CENPE: variants seen among roughly 807,000 people sequenced by gnomAD.
The protein encoded by CENPE is centromere protein E, also known as centromere-associated protein E.
A neutral mutation model predicts 336.1 loss-of-function variants in CENPE; 145 were observed. The ratio of observed to expected loss-of-function variants is 0.43; its 90% confidence interval spans 0.38 to 0.50. The LOEUF (loss-of-function observed/expected upper bound fraction) is 0.50, where lower values mean the gene tolerates loss of function less well. CENPE is among the 20% of genes least tolerant of loss of function. The pLI, the probability that CENPE is intolerant of heterozygous loss-of-function variation, is 0.00. For synonymous variants in CENPE, 1,013 were observed against 984.8 expected, an observed-to-expected ratio of 1.03 and a Z score of -0.54; for missense variants, 2,719 against 3,023.3, an observed-to-expected ratio of 0.90 and a Z score of 2.36.
chr4:103,139,268 T>C (rs1752335140), intron 38 of CENPE, among the ~76,000 whole-genome samples: 1 of 152,186 alleles, frequency 6.6e-6, no homozygotes, highest in Non-Finnish European at 1.5e-5. Context: ...TTTAATAAAC[T>C]TGTCTGAACT....
intron 16 of CENPE, among the ~76,000 whole-genome samples, chr4:103,171,598 G>T (rs1356669621): frequency 6.6e-6 from 1 of 150,634 alleles, no homozygotes; most frequent in Non-Finnish European, 1.5e-5. Flanking sequence ...TTACCTCGAA[G>T]AATTAGAAAA....
chr4:103,112,698 G>A (rs1422457664), intron 46 of CENPE, among the ~76,000 whole-genome samples: 1 of 125,532 alleles, frequency 8.0e-6, no homozygotes, highest in African/African-American at 3.1e-5. Flanking sequence ...ATATATAAGT[G>A]TATATATATA....
intron 47 of CENPE, among the ~76,000 whole-genome samples, 161 bp from the exon 48 acceptor site, chr4:103,109,250 T>C (rs1340610502): frequency 1.3e-5 from 2 of 152,206 alleles, no homozygotes; most frequent in Non-Finnish European, 2.9e-5. Context: ...TCATGCTTCC[T>C]GTTTTGACTA....
rs753868299 is a variant in CENPE at position 103,153,291 on chromosome 4, TAAC to T, written c.3034-44_3034-42del. 7 of 1,332,722 alleles carry T rather than the reference TAAC, an allele frequency of 5.3e-6. No homozygotes were observed. The South Asian group carries it at 7.8e-5, about 15-fold the overall frequency. The allele number at this position is 1,332,722 out of a possible 1,614,324, so 82.6% of individuals were successfully genotyped here. A position where few individuals can be genotyped will look rare whatever the true frequency, so the allele number is the denominator to read the frequency against. Reference sequence around the variant, plus strand: ...ATTACAGAAGAATTTCTTAAGTAGTTAACAACAACTTTAAAAAATAATAAAAAT... The same window carrying T: ...ATTACAGAAGAATTTCTTAAGTAGTTAACAACTTTAAAAAATAATAAAAAT... On this transcript the variant is annotated intron_variant, in intron 24 of 48. Coordinates refer to ENST00000265148, the MANE Select transcript of CENPE (RefSeq NM_001813.3).
At chr4:103,107,224 T>C (rs1003903780) in intron 48 of CENPE, among the ~76,000 whole-genome samples, 3 of 152,154 alleles carry the variant, frequency 2.0e-5, no homozygotes, top group African/African-American at 7.2e-5. Flanking sequence ...AGCTAGCCAA[T>C]AGAAGGTCCT....
Position 103,176,940 on chromosome 4 carries a change from GT to G in CENPE, c.1348del (p.Thr450HisfsTer6), listed in dbSNP as rs1221021743. 3 of 1,595,082 alleles carry G rather than the reference GT, an allele frequency of 1.9e-6. No homozygotes were observed. The highest frequency in any genetic ancestry group is 2.6e-6 in the Non-Finnish European group (3 of 1,169,838). On this transcript the variant is annotated frameshift_variant, in exon 14 of 49. Transcript: ENST00000265148. LOFTEE classifies it high-confidence loss of function. ...TAATAAATTTATAGAAAGCTTATGT[GT>G]TTTTGTTGTTATATTTGTTGGTATA... Reference protein sequence around the residue: ...FNIPTNITTKTHKLSINLLRE... With the variant: ...FNIPTNITTKXHKLSINLLRE...
intron 43 of CENPE, 30 bp downstream of exon 43, chr4:103,122,841 C>T (rs1284178913): frequency 6.5e-7 from 1 of 1,536,138 alleles, no homozygotes; most frequent in East Asian, 2.3e-5. Context: ...AAGCTGCAAA[C>T]TGAAGAACAT....
intron 24 of CENPE, among the ~76,000 whole-genome samples, chr4:103,154,958 C>T (rs1263154249): frequency 6.6e-6 from 1 of 152,070 alleles, no homozygotes; most frequent in African/African-American, 2.4e-5. Context: ...CAGGGGAGCA[C>T]CTGGAAATCC....
At position 103,144,452 on chromosome 4, in the gene CENPE, T is replaced by C. The variant is rs114769117; in HGVS notation, c.5024A>G (p.His1675Arg). 4.5e-5 allele frequency: 72 copies of C among 1,614,160 alleles called. No individual in the cohort carries two copies. The East Asian group carries it at 1.5e-3, about 34-fold the overall frequency. ...AGATCTCATTTCTTCAAGGTTTTCA[T>C]GTAGTATCTGAGTCAACCTTATATT... ...TENIRLTQIL[H>R]ENLEEMRSVT... is the part of the protein sequence containing the mutation. The change falls in exon 33 of 49, where the codon CAT becomes CGT. Residue 1675 changes from histidine to arginine, a missense_variant. By Grantham distance (29) the His-to-Arg change is conservative (BLOSUM62 0). Transcript: ENST00000265148.
intron 26 of CENPE, among the ~76,000 whole-genome samples, 165 bp from the exon 27 acceptor site, chr4:103,149,573 C>T (rs1448725254): frequency 6.6e-6 from 1 of 152,006 alleles, no homozygotes; most frequent in East Asian, 1.9e-4. Flanking sequence ...GAATATTGTC[C>T]CACCCAAAAT....
intron 42 of CENPE, 94 bp from the exon 43 acceptor site, chr4:103,123,183 C>A: frequency 3.4e-6 from 3 of 891,076 alleles, no homozygotes; most frequent in Non-Finnish European, 5.4e-6. Flanking sequence ...CAGTTACCCT[C>A]AGTCAAAAGT....
intron 44 of CENPE, 62 bp downstream of exon 44, chr4:103,120,086 C>A: frequency 8.2e-7 from 1 of 1,216,888 alleles, no homozygotes; most frequent in Admixed American, 2.6e-5. Context: ...AGGAGATTTG[C>A]TGAATTCAAT....
intron 31 of CENPE, 69 bp from the exon 32 acceptor site, chr4:103,145,403 C>G: frequency 7.4e-7 from 1 of 1,349,460 alleles, no homozygotes; most frequent in Non-Finnish European, 1.0e-6. Flanking sequence ...ACATACACAA[C>G]TTAAGAGGAA....
At chr4:103,152,971 C>A in intron 25 of CENPE, 76 bp downstream of exon 25, 1 of 1,048,526 alleles carries the variant, frequency 9.5e-7, no homozygotes, top group Non-Finnish European at 1.4e-6. Flanking sequence ...ATAAATTATA[C>A]CTCAATAAAG....
chr4:103,180,620 C>T, intron 12 of CENPE, 151 bp from the exon 13 acceptor site: 1 of 529,760 alleles, frequency 1.9e-6, no homozygotes, highest in Middle Eastern at 5.1e-4. Flanking sequence ...CTGTAGAACA[C>T]CAAAATGCAG....
In CENPE at chr4:103,145,517, A is replaced by G. The variant is rs1165890945; in HGVS notation, c.4572+6T>C. 3 of 1,595,458 alleles carry G rather than the reference A, an allele frequency of 1.9e-6. No individual in the cohort carries two copies. Among genetic ancestry groups the G allele is most frequent in the South Asian group, 1.2e-5 (1 of 86,676 alleles). ...TCCTCCCACTGTTTCTTCATCCCCA[A>G]TTTACCTTGTTCTGTAATTTATCAT... On this transcript the variant is annotated splice_donor_region_variant and intron_variant, in intron 31 of 48. Transcript: ENST00000265148.
In CENPE at chr4:103,198,327, G is replaced by C. The variant is rs754721796; in HGVS notation, c.-8C>G. On this transcript the variant is annotated 5_prime_UTR_variant, in exon 1 of 49. Coordinates refer to ENST00000265148, the MANE Select transcript of CENPE (RefSeq NM_001813.3). ...GGCTCCTTCCTCCGCCATCCTATCA[G>C]GCTGAACTGGTCCCAGGAAAATGGC... is the stretch of plus-strand genomic sequence containing the variant. 40 of 1,551,204 alleles carry C rather than the reference G, an allele frequency of 2.6e-5. No individual in the cohort carries two copies. The African/African-American group carries it at 4.7e-4, about 18-fold the overall frequency.
At chr4:103,107,056 A>C (rs1189030201) in intron 48 of CENPE, among the ~76,000 whole-genome samples, 2 of 152,224 alleles carry the variant, frequency 1.3e-5, no homozygotes, top group Non-Finnish European at 2.9e-5. Flanking sequence ...CACATTATGC[A>C]TATGCCTCTG....
In CENPE at chr4:103,148,894, T is replaced by G; in HGVS notation, c.3793A>C (p.Ile1265Leu). ...TTTTCTAAGTCCTGAGTATTTATTA[T>G]TTGAGCTGTCTTCTCAGATACGCTT... ...RRSVSEKTAQ[I>L]INTQDLEKSH... Residue 1265 changes from isoleucine (I) to leucine (L), a missense_variant, in exon 28 of 49, where the codon ATA (isoleucine) becomes CTA (leucine). Around this residue, in one of 5 missense-constraint regions of CENPE, gnomAD observed 2,437 missense variants for 2,513.3 expected, o/e 0.97. Transcript: ENST00000265148. 6.2e-7 allele frequency: 1 copy of G among 1,613,718 alleles called. No individual in the cohort carries two copies. The highest frequency in any genetic ancestry group is 2.2e-5 in the East Asian group (1 of 44,832).
Sources: gnomAD v4.1 joint callset for allele counts (sites outside exome capture counted in the v4.1 genomes callset) on GRCh38, gnomAD v4.1.1 for gene constraint, gnomAD v4.1.1 regional missense constraint, MANE v1.5 for transcripts, NCBI Gene and HGNC (gene_info 2026-07-23, HGNC 2026-07-21) for gene names.